MMP26: variants seen among roughly 807,000 people sequenced by gnomAD.
The protein encoded by MMP26 is matrix metallopeptidase 26.
MMP26 carries 33 observed loss-of-function variants against 31.0 expected under a neutral mutation model. The observed-to-expected ratio is 1.06, with a 90% confidence interval of 0.81 to 1.42. MMP26 has a LOEUF of 1.42. Ranked by LOEUF, MMP26 falls within the 40% of genes most tolerant of loss-of-function variation. MMP26 has a pLI of 0.00. For synonymous variants in MMP26, 122 were observed against 114.9 expected (o/e 1.06, Z -0.40); for missense variants, 347 against 316.1 (o/e 1.10, Z -0.74).
intron 2 of MMP26, among the ~76,000 whole-genome samples, chr11:4,849,837 T>C (rs1849949172): frequency 6.6e-6 from 1 of 152,178 alleles, no homozygotes; most frequent in Non-Finnish European, 1.5e-5. Context: ...TATACATGGG[T>C]ATTTAAAATT....
intron 2 of MMP26, among the ~76,000 whole-genome samples, chr11:4,822,909 T>C (rs1268933014): frequency 1.3e-5 from 2 of 152,164 alleles, no homozygotes; most frequent in Non-Finnish European, 2.9e-5. Context: ...AAATACAAGA[T>C]ACCATATTAT....
At chr11:4,959,155 G>A (rs1447408298) in intron 2 of MMP26, among the ~76,000 whole-genome samples, 2 of 150,584 alleles carry the variant, frequency 1.3e-5, no homozygotes, top group African/African-American at 2.4e-5. Context: ...GGAGAACGGC[G>A]TGAATACGGG....
chr11:4,769,478 C>G, intron 2 of MMP26: 1 of 1,613,322 alleles, frequency 6.2e-7, no homozygotes, highest in Non-Finnish European at 8.5e-7. Context: ...CATCAGAAGA[C>G]CCATTTGAAT....
intron 2 of MMP26, chr11:4,923,969 C>G: frequency 6.2e-7 from 1 of 1,613,948 alleles, no homozygotes; most frequent in Non-Finnish European, 8.5e-7. Flanking sequence ...GGCCACGTAG[C>G]GGTCAATGGA....
rs576097743 is a variant in MMP26, at chr11:4,948,478, C to T, written c.-144-39590C>T. 3.2e-5 allele frequency among the ~76,000 whole-genome samples: 4 copies of T among 123,736 alleles called. 1 individual carries two copies. The highest frequency in any genetic ancestry group is 5.5e-5 in the Non-Finnish European group (3 of 54,596). The allele number at this position is 123,736 out of a possible 152,430, so 81.2% of individuals were successfully genotyped here. On this transcript the variant is annotated intron_variant, in intron 2 of 7. Coordinates refer to ENST00000380390, the MANE Select transcript of MMP26 (RefSeq NM_021801.5). ...ATTACTGATAATTAAGTATATAGCA[C>T]GCTATCAGGTTTGCCAAGCAATATT...
chr11:4,815,238 G>A (rs780786390), intron 2 of MMP26, among the ~76,000 whole-genome samples: 1 of 152,270 alleles, frequency 6.6e-6, no homozygotes, highest in Non-Finnish European at 1.5e-5. Flanking sequence ...GCAATCAGAT[G>A]TGCATTTGTC....
chr11:4,899,233 T>G (rs776430546), intron 2 of MMP26, among the ~76,000 whole-genome samples: 11 of 152,212 alleles, frequency 7.2e-5, no homozygotes, highest in Non-Finnish European at 8.8e-5. Flanking sequence ...ATTCACTGCA[T>G]AATTTATTGC....
chr11:4,989,931 A>AG (rs1317537263), intron 4 of MMP26, 63 bp downstream of exon 4: 9 of 1,359,698 alleles, frequency 6.6e-6, no homozygotes, highest in Non-Finnish European at 9.2e-6. Flanking sequence ...GCTTTCTACC[A>AG]GGTCTCTCCT....
rs34024161 is a variant in MMP26, at chr11:4,782,969, C to T, written c.-145+15628C>T. ...AAGATGTATGGAAATGCCTGGATAC[C>T]CAGGCAGAAGTTGGCTGTAGGGGTG... is the stretch of plus-strand genomic sequence containing the variant. On this transcript the variant is annotated intron_variant, in intron 2 of 7. Coordinates refer to ENST00000380390, the MANE Select transcript of MMP26 (RefSeq NM_021801.5). Among the ~76,000 whole-genome samples, 6 of 152,088 alleles carry T rather than the reference C, an allele frequency of 3.9e-5. No homozygotes were observed. The South Asian group carries it at 6.2e-4, about 16-fold the overall frequency.
At chr11:4,808,379 G>A (rs1480108807) in intron 2 of MMP26, among the ~76,000 whole-genome samples, 7 of 152,124 alleles carry the variant, frequency 4.6e-5, no homozygotes, top group African/African-American at 1.7e-4. Context: ...TGCTGAATTA[G>A]AGGAAGATCT....
chr11:4,766,002 A>G (rs1411918207), intron 1 of MMP26, among the ~76,000 whole-genome samples: 1 of 152,150 alleles, frequency 6.6e-6, no homozygotes, highest in African/African-American at 2.4e-5. Context: ...TGTTCTTGTT[A>G]AGGTGTTAAA....
intron 1 of MMP26, among the ~76,000 whole-genome samples, chr11:4,715,963 C>T (rs886740390): frequency 3.3e-5 from 5 of 152,158 alleles, no homozygotes; most frequent in East Asian, 1.9e-4. Context: ...TACCTAATCA[C>T]GGAAGTCTTT....
chr11:4,838,408 T>G (rs1226121249), intron 2 of MMP26, among the ~76,000 whole-genome samples: 4 of 134,820 alleles, frequency 3.0e-5, no homozygotes. Context: ...CCAACAAACA[T>G]GTAAACTTTT....
intron 1 of MMP26, among the ~76,000 whole-genome samples, chr11:4,745,163 C>T (rs1474546306): frequency 6.6e-6 from 1 of 152,188 alleles, no homozygotes; most frequent in Admixed American, 6.5e-5. Flanking sequence ...AAGGAAACCA[C>T]TGAAGCCACT....
chr11:4,719,826 A>C (rs79123064), intron 1 of MMP26, among the ~76,000 whole-genome samples: 3,345 of 152,314 alleles, frequency 0.022, 131 homozygotes, highest in African/African-American at 0.076. Context: ...TTGTTAACTA[A>C]TGGTGCAGCT....
At chr11:4,846,633 A>G (rs1271746892) in intron 2 of MMP26, among the ~76,000 whole-genome samples, 1 of 152,200 alleles carries the variant, frequency 6.6e-6, no homozygotes, top group African/African-American at 2.4e-5. Context: ...ATTATTTCAC[A>G]TTGCATGCCT....
chr11:4,907,751 A>C, intron 2 of MMP26: 2 of 1,614,024 alleles, frequency 1.2e-6, no homozygotes, highest in Non-Finnish European at 1.7e-6. Context: ...TGCCATTCAC[A>C]ATCCCTTAAG....
At chr11:4,717,823 T>A (rs570697365) in intron 1 of MMP26, among the ~76,000 whole-genome samples, 131 of 152,310 alleles carry the variant, frequency 8.6e-4, no homozygotes, top group African/African-American at 3.1e-3. Context: ...AGCTGGTAAA[T>A]GTCAAGAGTA....
chr11:4,833,306 C>A (rs1338332338), intron 2 of MMP26, among the ~76,000 whole-genome samples: 1 of 152,052 alleles, frequency 6.6e-6, no homozygotes, highest in Non-Finnish European at 1.5e-5. Flanking sequence ...TTTTGTTGTT[C>A]TTTGGGTGAT....
Sources: gnomAD v4.1 joint callset for allele counts (sites outside exome capture counted in the v4.1 genomes callset) on GRCh38, gnomAD v4.1.1 for gene constraint, MANE v1.5 for transcripts, NCBI Gene and HGNC (gene_info 2026-07-23, HGNC 2026-07-21) for gene names.